MYO3B: variants seen among roughly 807,000 people sequenced by gnomAD.
MYO3B encodes myosin IIIB, also known as myosin-IIIb.
In MYO3B, 156 loss-of-function variants were observed where a neutral mutation model predicts 174.6. The observed-to-expected ratio is 0.89, with a 90% CI of 0.78 to 1.02. MYO3B has a LOEUF of 1.02. Among genes scored for constraint, MYO3B ranks in the 50% least tolerant of loss-of-function variants. The pLI, the probability that MYO3B is intolerant of heterozygous loss-of-function variation, is 0.00. For synonymous variants in MYO3B, 563 were observed against 569.1 expected (o/e 0.99, Z 0.15); for missense variants, 1,632 against 1,639.4 (o/e 1.00, Z 0.08).
chr2:170,331,527 A>G (rs2093911571), intron 7 of MYO3B, among the ~76,000 whole-genome samples: 1 of 152,134 alleles, frequency 6.6e-6, no homozygotes, highest in Non-Finnish European at 1.5e-5. Context: ...TTGGTGTATT[A>G]GTTTTCTATT....
At chr2:170,389,490 G>T (rs1474354423) in intron 14 of MYO3B, among the ~76,000 whole-genome samples, 2 of 152,174 alleles carry the variant, frequency 1.3e-5, no homozygotes, top group Non-Finnish European at 2.9e-5. Flanking sequence ...AGATCTGGGG[G>T]TGTTTATTAT....
intron 7 of MYO3B, among the ~76,000 whole-genome samples, chr2:170,256,343 T>C (rs1428925952): frequency 1.3e-5 from 2 of 152,158 alleles, no homozygotes; most frequent in African/African-American, 2.4e-5. Flanking sequence ...AATCAGACTT[T>C]TCAAGGTCAG....
chr2:170,552,011 A>C (rs930549990), intron 32 of MYO3B, among the ~76,000 whole-genome samples: 2 of 152,074 alleles, frequency 1.3e-5, no homozygotes, highest in South Asian at 4.1e-4. Context: ...CTCTCCAGTC[A>C]TGCCTCCTGT....
intron 7 of MYO3B, among the ~76,000 whole-genome samples, chr2:170,331,060 G>A (rs1255815028): frequency 6.6e-6 from 1 of 152,158 alleles, no homozygotes; most frequent in African/African-American, 2.4e-5. Flanking sequence ...GACAAATTAG[G>A]GAGAGTATTC....
chr2:170,648,969 A>T (rs1200611330), intron 32 of MYO3B, among the ~76,000 whole-genome samples: 6 of 88,866 alleles, frequency 6.8e-5, no homozygotes, highest in South Asian at 4.2e-4. Context: ...ATAATGTATA[A>T]TATATAAAAT....
intron 8 of MYO3B, among the ~76,000 whole-genome samples, chr2:170,364,500 T>G (rs576696855): frequency 9.2e-5 from 14 of 152,254 alleles, no homozygotes; most frequent in Admixed American, 8.5e-4. Context: ...AGTTTAACAT[T>G]TTATGCATCC....
intron 3 of MYO3B, among the ~76,000 whole-genome samples, chr2:170,211,589 G>T (rs2092771164): frequency 6.6e-6 from 1 of 152,200 alleles, no homozygotes; most frequent in Non-Finnish European, 1.5e-5. Flanking sequence ...AAAGGAAGAT[G>T]TAAGAAAAAG....
intron 25 of MYO3B, among the ~76,000 whole-genome samples, chr2:170,477,809 A>C (rs1382065640): frequency 6.6e-6 from 1 of 151,712 alleles, no homozygotes; most frequent in Non-Finnish European, 1.5e-5. Context: ...CAAGATGAGA[A>C]CCACTGGTGA....
intron 22 of MYO3B, among the ~76,000 whole-genome samples, chr2:170,436,252 C>T (rs771283024): frequency 7.9e-5 from 12 of 152,134 alleles, no homozygotes; most frequent in Non-Finnish European, 4.4e-5. Flanking sequence ...TGGGAGGAGG[C>T]TGTCTAGGGG....
chr2:170,322,805 T>C (rs2093838437), intron 7 of MYO3B, among the ~76,000 whole-genome samples: 1 of 152,152 alleles, frequency 6.6e-6, no homozygotes, highest in African/African-American at 2.4e-5. Context: ...CAGGCTCAGA[T>C]TGCTCTAAGG....
intron 3 of MYO3B, among the ~76,000 whole-genome samples, chr2:170,207,541 GCAATCCTAAGC>G (rs1448437055): frequency 6.6e-6 from 1 of 151,928 alleles, no homozygotes; most frequent in Non-Finnish European, 1.5e-5. Flanking sequence ...TCCCCTGAGC[GCAATCCTAAGC>G]CAACCAGTCT....
rs368132906 is a variant in MYO3B at position 170,366,634 on chromosome 2, T to C, written c.816-2588T>C. The stretch of plus-strand genomic sequence containing the variant: ...CATTGCTTCCAGAAAGTAGAATGCC[T>C]ACTATCTTCATTTTTTGGATCTTCA... On this transcript the variant is annotated intron_variant, in intron 8 of 34. Coordinates refer to ENST00000408978, the MANE Select transcript of MYO3B (RefSeq NM_138995.5). 7.5e-4 allele frequency among the ~76,000 whole-genome samples: 114 copies of C among 152,296 alleles called. 2 individuals carry two copies. In the South Asian group the frequency reaches 0.021, roughly 28 times the overall value.
intron 32 of MYO3B, among the ~76,000 whole-genome samples, chr2:170,560,981 T>A (rs1438871047): frequency 6.6e-6 from 1 of 152,228 alleles, no homozygotes; most frequent in East Asian, 1.9e-4. Context: ...TATTTACCCA[T>A]GTCCAGAGCA....
At chr2:170,413,545 G>A (rs2094558967) in intron 22 of MYO3B, among the ~76,000 whole-genome samples, 1 of 152,144 alleles carries the variant, frequency 6.6e-6, no homozygotes, top group Non-Finnish European at 1.5e-5. Context: ...GGGTGTTAGA[G>A]ACTGACTAGT....
intron 32 of MYO3B, among the ~76,000 whole-genome samples, chr2:170,644,956 G>A (rs1698252353): frequency 6.6e-6 from 1 of 152,146 alleles, no homozygotes; most frequent in African/African-American, 2.4e-5. Context: ...GCAGGGGGTT[G>A]GGGGGAGGTG....
At chr2:170,443,565 C>G (rs1188918499) in intron 22 of MYO3B, among the ~76,000 whole-genome samples, 2 of 152,006 alleles carry the variant, frequency 1.3e-5, no homozygotes, top group African/African-American at 4.8e-5. Flanking sequence ...AAGTCCTTGC[C>G]CATGCCTATG....
intron 7 of MYO3B, among the ~76,000 whole-genome samples, chr2:170,331,463 A>G (rs1392542976): frequency 6.6e-6 from 1 of 152,148 alleles, no homozygotes; most frequent in Non-Finnish European, 1.5e-5. Context: ...GAAAGAGGGG[A>G]CAGGTTATGA....
At chr2:170,422,458 G>T (rs1465338583) in intron 22 of MYO3B, among the ~76,000 whole-genome samples, 1 of 132,696 alleles carries the variant, frequency 7.5e-6, no homozygotes, top group Non-Finnish European at 1.6e-5. Flanking sequence ...TGTTCTATTA[G>T]CCACTTTTTT....
intron 8 of MYO3B, among the ~76,000 whole-genome samples, chr2:170,355,577 C>T (rs1375961187): frequency 1.3e-5 from 2 of 152,188 alleles, no homozygotes; most frequent in Non-Finnish European, 2.9e-5. Context: ...CTTTTGTTGC[C>T]AACTCCCACT....
Sources: allele counts gnomAD v4.1 joint callset (sites outside exome capture counted in the v4.1 genomes callset), GRCh38; gene constraint gnomAD v4.1.1; transcripts MANE v1.5; gene names NCBI Gene and HGNC (gene_info 2026-07-23, HGNC 2026-07-21).